Variants in RALGAPA2 observed in about 807,000 individuals in gnomAD.
RALGAPA2 encodes the protein Ral GTPase activating protein catalytic subunit alpha 2.
RALGAPA2 carries 139 observed loss-of-function variants against 230.4 expected under a neutral mutation model. The observed-to-expected ratio is 0.60, with a 90% CI of 0.53 to 0.69. RALGAPA2 has a LOEUF of 0.69. Among genes scored for constraint, RALGAPA2 ranks in the 30% least tolerant of loss-of-function variants. The pLI, the probability that RALGAPA2 is intolerant of heterozygous loss-of-function variation, is 0.00. For synonymous variants in RALGAPA2, 847 were observed against 837.8 expected (o/e 1.01, Z -0.19); for missense variants, 2,163 against 2,276.0 (o/e 0.95, Z 1.01).
chr20:20,517,087 G>A (rs1168130903), intron 31 of RALGAPA2, among the ~76,000 whole-genome samples: 2 of 152,080 alleles, frequency 1.3e-5, no homozygotes, highest in African/African-American at 4.8e-5. Context: ...TCTCCCATGC[G>A]AATTCAGCAT....
chr20:20,583,804 C>T (rs926900114), intron 19 of RALGAPA2, among the ~76,000 whole-genome samples: 2 of 152,152 alleles, frequency 1.3e-5, no homozygotes, highest in African/African-American at 2.4e-5. Context: ...GCCACAAAGA[C>T]TTATAGAACT....
At chr20:20,705,066 C>A (rs1320853118) in intron 1 of RALGAPA2, among the ~76,000 whole-genome samples, 1 of 152,236 alleles carries the variant, frequency 6.6e-6, no homozygotes, top group Non-Finnish European at 1.5e-5. Flanking sequence ...CACTCAAAAC[C>A]CTCACGGTAA....
At chr20:20,413,601 G>A (rs2060107671) in intron 37 of RALGAPA2, among the ~76,000 whole-genome samples, 1 of 152,222 alleles carries the variant, frequency 6.6e-6, no homozygotes, top group South Asian at 2.1e-4. Context: ...CTCAATAGCC[G>A]CACGTGGCTA....
At chr20:20,509,856 G>A (rs984261291) in intron 33 of RALGAPA2, among the ~76,000 whole-genome samples, 2 of 152,136 alleles carry the variant, frequency 1.3e-5, no homozygotes, top group African/African-American at 4.8e-5. Context: ...TCAGTCCTTA[G>A]TGACATTACC....
Position 20,392,980 on chromosome 20 carries a change from TTTTTC to T in RALGAPA2, c.*304_*308del. The T allele has an allele frequency of 9.5e-7, 1 of 1,055,558 alleles. No individual in the cohort carries two copies. Among genetic ancestry groups the T allele is most frequent in the Non-Finnish European group, 1.3e-6 (1 of 792,292 alleles). 65.4% of individuals were successfully genotyped at this position (1,055,558 alleles called of 1,614,324 possible). On this transcript the variant is annotated 3_prime_UTR_variant, in exon 40 of 40. Coordinates refer to ENST00000202677, the MANE Select transcript of RALGAPA2 (RefSeq NM_020343.4). ...GGGTTCATCTCTGGTTTTTGGTGACTTTTTCTTTTCTTCTTTGGAAGTCCAAGGTT... is the reference window on the plus strand; with the variant it reads ...GGGTTCATCTCTGGTTTTTGGTGACTTTTTCTTCTTTGGAAGTCCAAGGTT...
intron 4 of RALGAPA2, among the ~76,000 whole-genome samples, chr20:20,647,929 C>G (rs767520328): frequency 3.3e-5 from 5 of 152,098 alleles, no homozygotes; most frequent in Admixed American, 6.6e-5. Flanking sequence ...ATGGTACAAC[C>G]ACTTTGGAAA....
intron 31 of RALGAPA2, among the ~76,000 whole-genome samples, chr20:20,516,916 G>A (rs2062888693): frequency 1.3e-5 from 2 of 152,224 alleles, no homozygotes; most frequent in South Asian, 4.1e-4. Context: ...CTTTCTGCCG[G>A]TTGGAAGTCT....
chr20:20,462,573 G>T (rs6046872), intron 37 of RALGAPA2, among the ~76,000 whole-genome samples: 11,341 of 152,224 alleles, frequency 0.075, 677 homozygotes, highest in African/African-American at 0.16. Context: ...CTTTTAGAGT[G>T]TGGTAAAATT....
At chr20:20,613,451 A>T (rs1394887716) in intron 13 of RALGAPA2, among the ~76,000 whole-genome samples, 3 of 152,172 alleles carry the variant, frequency 2.0e-5, no homozygotes, top group Non-Finnish European at 2.9e-5. Flanking sequence ...CTCAGCCACC[A>T]TCATCTATGG....
chr20:20,561,074 C>G (rs947327132), intron 23 of RALGAPA2, among the ~76,000 whole-genome samples: 1 of 152,224 alleles, frequency 6.6e-6, no homozygotes, highest in Admixed American at 6.5e-5. Context: ...TGAATGTTCC[C>G]TTTTTCTGAG....
chr20:20,498,814 C>T (rs933847715), intron 35 of RALGAPA2, among the ~76,000 whole-genome samples: 2 of 152,152 alleles, frequency 1.3e-5, no homozygotes, highest in African/African-American at 4.8e-5. Context: ...GCTATAAAAG[C>T]CTTGTAAGAC....
chr20:20,603,075 A>G (rs2065709976), intron 15 of RALGAPA2, among the ~76,000 whole-genome samples: 1 of 152,106 alleles, frequency 6.6e-6, no homozygotes, highest in Non-Finnish European at 1.5e-5. Context: ...AGAGGACTAG[A>G]TGGACGCCAA....
At chr20:20,582,366 G>T (rs538635271) in intron 20 of RALGAPA2, among the ~76,000 whole-genome samples, 2 of 152,050 alleles carry the variant, frequency 1.3e-5, no homozygotes, top group African/African-American at 2.4e-5. Context: ...CTAGCTCAAG[G>T]CCACCCAGCA....
At chr20:20,648,883 C>T (rs1225015909) in intron 4 of RALGAPA2, among the ~76,000 whole-genome samples, 1 of 152,120 alleles carries the variant, frequency 6.6e-6, no homozygotes, top group Non-Finnish European at 1.5e-5. Flanking sequence ...CTCACCCCCA[C>T]TCCTGAGGGA....
chr20:20,403,803 A>G (rs2122698426), intron 38 of RALGAPA2, among the ~76,000 whole-genome samples: 1 of 152,344 alleles, frequency 6.6e-6, no homozygotes, highest in Middle Eastern at 3.4e-3. Context: ...ATTCAGCAGC[A>G]CTGGCAAGGC....
intron 37 of RALGAPA2, among the ~76,000 whole-genome samples, chr20:20,428,811 T>C (rs2060444265): frequency 7.1e-6 from 1 of 141,620 alleles, no homozygotes; most frequent in South Asian, 2.6e-4. Flanking sequence ...CATCTGATAT[T>C]TACTAAGTGC....
At chr20:20,616,022 A>G in intron 13 of RALGAPA2, 21 bp downstream of exon 13, 1 of 1,424,258 alleles carries the variant, frequency 7.0e-7, no homozygotes, top group Non-Finnish European at 9.3e-7. Flanking sequence ...TACAATACTA[A>G]TTAATTTGAT....
At chr20:20,498,258 T>A (rs918293909) in intron 35 of RALGAPA2, among the ~76,000 whole-genome samples, 1 of 152,220 alleles carries the variant, frequency 6.6e-6, no homozygotes, top group Non-Finnish European at 1.5e-5. Context: ...CCTTCTGGAA[T>A]GGAGCCGGTG....
chr20:20,629,619 G>T, intron 9 of RALGAPA2, 29 bp from the exon 10 acceptor site: 1 of 1,602,864 alleles, frequency 6.2e-7, no homozygotes. Context: ...ACTTCTCAAT[G>T]ATGCTCACCC....
Sources: gnomAD v4.1 joint callset for allele counts (sites outside exome capture counted in the v4.1 genomes callset) on GRCh38, gnomAD v4.1.1 for gene constraint, MANE v1.5 for transcripts, NCBI Gene and HGNC (gene_info 2026-07-23, HGNC 2026-07-21) for gene names.